DNAI3: variants seen among roughly 807,000 people sequenced by gnomAD.
The protein encoded by DNAI3 is WD repeat domain 63.
In DNAI3, 83 loss-of-function variants were observed where a neutral mutation model predicts 115.5. That is an observed-to-expected ratio of 0.72 (90% confidence interval 0.60 to 0.86). DNAI3 has a LOEUF of 0.86. Ranked by LOEUF, DNAI3 falls within the 40% of genes least tolerant of loss-of-function variation. The probability of loss-of-function intolerance (pLI) is 0.00; values close to 1 mark genes in which losing one functional copy is unlikely to be tolerated. For synonymous variants in DNAI3, 320 were observed against 347.0 expected (o/e 0.92, Z 0.86); for missense variants, 1,004 against 1,075.8 (o/e 0.93, Z 0.93).
At position 85,072,429 on chromosome 1, in the gene DNAI3, G is replaced by A. The variant is rs1456011001; in HGVS notation, c.64+424G>A. On this transcript the variant is annotated intron_variant, in intron 2 of 22. Transcript: ENST00000294664. The stretch of plus-strand genomic sequence containing the variant: ...GAGGCCGAGGCGGTTGGATCACGAG[G>A]TCAGGAGTTCGAGACCAGCCTGACC... 2.0e-5 allele frequency among the ~76,000 whole-genome samples: 3 copies of A among 152,014 alleles called. No homozygotes were observed. The East Asian group carries it at 5.8e-4, about 29-fold the overall frequency.
intron 2 of DNAI3, among the ~76,000 whole-genome samples, chr1:85,072,826 G>A (rs1172467858): frequency 6.6e-6 from 1 of 150,752 alleles, no homozygotes; most frequent in Non-Finnish European, 1.5e-5. Context: ...GTGGTGGCGG[G>A]CGCCTCTAGT....
rs1655084975 is a variant in DNAI3 at position 85,095,011 on chromosome 1, G to T, written c.1173+456G>T. On this transcript the variant is annotated intron_variant, in intron 10 of 22. Transcript: ENST00000294664. Reference sequence around the variant, plus strand: ...GCTGGCTGCCCTCTTGTTGCCAGGTGGTCCCATTGTCAAGAGAATTGAGAA... The same window carrying T: ...GCTGGCTGCCCTCTTGTTGCCAGGTTGTCCCATTGTCAAGAGAATTGAGAA... Among the ~76,000 whole-genome samples, 3 of 152,046 alleles carry T rather than the reference G, an allele frequency of 2.0e-5. No individual in the cohort carries two copies. In the South Asian group the frequency reaches 6.2e-4, roughly 32 times the overall value.
intron 1 of DNAI3, among the ~76,000 whole-genome samples, chr1:85,065,184 C>T (rs4907129): frequency 0.86 from 130,571 of 151,388 alleles, 56,489 homozygotes; most frequent in South Asian, 0.92. Context: ...AGGAAGAACC[C>T]AGTTAAAGAG....
intron 17 of DNAI3, among the ~76,000 whole-genome samples, chr1:85,119,235 G>A (rs746341856): frequency 2.0e-5 from 3 of 152,114 alleles, no homozygotes; most frequent in Admixed American, 2.0e-4. Context: ...ATAATCTGTT[G>A]GAAAAGTACA....
intron 13 of DNAI3, 61 bp downstream of exon 13, chr1:85,098,719 A>G: frequency 6.3e-7 from 1 of 1,584,586 alleles, no homozygotes; most frequent in Non-Finnish European, 8.6e-7. Context: ...GATTTTATGC[A>G]AAGAAGATGT....
At chr1:85,086,161 G>A in intron 7 of DNAI3, 131 bp downstream of exon 7, 1 of 821,154 alleles carries the variant, frequency 1.2e-6, no homozygotes, top group Non-Finnish European at 1.9e-6. Context: ...GATCTCCACA[G>A]AGTAATTCAA....
chr1:85,069,596 C>T (rs1654206332), intron 1 of DNAI3, among the ~76,000 whole-genome samples: 1 of 151,952 alleles, frequency 6.6e-6, no homozygotes, highest in Admixed American at 6.6e-5. Context: ...CCATGTTGGC[C>T]AGGTTGATCT....
In DNAI3 at chr1:85,132,847, C is replaced by A; in HGVS notation, c.2533-8C>A. ...TATAGGGATGTCTTGTTTTTCTTCC[C>A]CCCCCAGAAAACATATCAGAAGTCA... On this transcript the variant is annotated splice_polypyrimidine_tract_variant and splice_region_variant and intron_variant, in intron 22 of 22. Transcript: ENST00000294664. 6.2e-7 allele frequency: 1 copy of A among 1,609,760 alleles called. No individual in the cohort carries two copies. The highest frequency in any genetic ancestry group is 8.5e-7 in the Non-Finnish European group (1 of 1,178,496).
At chr1:85,093,113 C>T (rs1432271632) in intron 8 of DNAI3, among the ~76,000 whole-genome samples, 1 of 152,128 alleles carries the variant, frequency 6.6e-6, no homozygotes, top group African/African-American at 2.4e-5. Context: ...AGCAGGAGCT[C>T]CAGAGCAAAG....
At chr1:85,083,701 A>T (rs1270832047) in intron 5 of DNAI3, among the ~76,000 whole-genome samples, 1 of 152,030 alleles carries the variant, frequency 6.6e-6, no homozygotes, top group African/African-American at 2.4e-5. Flanking sequence ...AATTTTTATT[A>T]TATTTACTTT....
At chr1:85,082,940 C>A (rs932144555) in intron 5 of DNAI3, among the ~76,000 whole-genome samples, 1 of 152,112 alleles carries the variant, frequency 6.6e-6, no homozygotes, top group Non-Finnish European at 1.5e-5. Flanking sequence ...AGTTACTGAG[C>A]CTCTCATTGG....
At chr1:85,125,571 TAAAGAA>T (rs1553168169) in intron 19 of DNAI3, among the ~76,000 whole-genome samples, 1 of 151,812 alleles carries the variant, frequency 6.6e-6, no homozygotes, top group Non-Finnish European at 1.5e-5. Flanking sequence ...GTTTTGTAGT[TAAAGAA>T]AAAGAAAAAG....
At chr1:85,113,651 T>C (rs1234089341) in intron 16 of DNAI3, among the ~76,000 whole-genome samples, 1 of 152,238 alleles carries the variant, frequency 6.6e-6, no homozygotes, top group Non-Finnish European at 1.5e-5. Context: ...CCTTTTTTTT[T>C]TCAAAGTAGT....
intron 4 of DNAI3, among the ~76,000 whole-genome samples, chr1:85,081,842 T>C (rs1256290718): frequency 6.6e-6 from 1 of 152,188 alleles, no homozygotes; most frequent in African/African-American, 2.4e-5. Flanking sequence ...GGTTTTGCCA[T>C]GTTGCTCAAG....
chr1:85,124,383 A>G, intron 19 of DNAI3, 132 bp downstream of exon 19: 1 of 1,233,496 alleles, frequency 8.1e-7, no homozygotes. Context: ...GATGGCAGGG[A>G]CACCAGCTTG....
At position 85,071,973 on chromosome 1, in the gene DNAI3, G is replaced by A. The variant is rs577745308; in HGVS notation, c.32G>A (p.Arg11His). The stretch of plus-strand genomic sequence containing the variant: ...CCAAAACAAAAGAAAAAGACATCAC[G>A]TGGCAAAAAAAGACTAAAACCAGTA... Reference protein sequence around the residue: MAPKQKKKTSRGKKRLKPVLA... With the variant: MAPKQKKKTSHGKKRLKPVLA... Residue 11 changes from arginine (R) to histidine (H), a missense_variant, in exon 2 of 23, where the codon CGT becomes CAT. By Grantham distance (29) the Arg-to-His change is conservative. Coordinates refer to ENST00000294664, the MANE Select transcript of DNAI3 (RefSeq NM_145172.5). The A allele has an allele frequency of 1.2e-5, 19 of 1,611,052 alleles. No individual in the cohort carries two copies. The South Asian group carries it at 1.6e-4, about 13-fold the overall frequency.
chr1:85,086,492 A>C (rs7545050), intron 7 of DNAI3, among the ~76,000 whole-genome samples: 118,997 of 152,014 alleles, frequency 0.78, 46,768 homozygotes, highest in Non-Finnish European at 0.81. Context: ...TATGACGAGG[A>C]ACTGTCTGCC....
chr1:85,084,013 C>T (rs1427848833), intron 5 of DNAI3, among the ~76,000 whole-genome samples: 4 of 151,270 alleles, frequency 2.6e-5, no homozygotes, highest in Admixed American at 1.3e-4. Flanking sequence ...ATTTAGATAC[C>T]ATATATATGT....
At chr1:85,086,102 T>C in intron 7 of DNAI3, 72 bp downstream of exon 7, 2 of 1,384,110 alleles carry the variant, frequency 1.4e-6, no homozygotes, top group Non-Finnish European at 1.0e-6. Context: ...ATTATTATTT[T>C]GAGAGCTCTT....
Sources: allele counts gnomAD v4.1 joint callset (sites outside exome capture counted in the v4.1 genomes callset), GRCh38; gene constraint gnomAD v4.1.1; transcripts MANE v1.5; gene names NCBI Gene and HGNC (gene_info 2026-07-23, HGNC 2026-07-21).